TAF9B: variants seen among roughly 807,000 people sequenced by gnomAD.
TAF9B encodes transcription initiation factor TFIID subunit 9B.
A neutral mutation model predicts 17.6 loss-of-function variants in TAF9B; 47 were observed. The observed-to-expected ratio is 2.68, with a 90% CI of 2.12 to 3.41. The LOEUF (loss-of-function observed/expected upper bound fraction) is 3.41, where lower values mean the gene tolerates loss of function less well. TAF9B is among the 30% of genes most tolerant of loss of function. TAF9B has a pLI of 0.00. For missense variants in TAF9B, 218 were observed against 189.3 expected, an observed-to-expected ratio of 1.15 and a Z score of -0.89; for synonymous variants, 84 against 68.7, an observed-to-expected ratio of 1.22 and a Z score of -1.10.
intron 1 of TAF9B, 61 bp downstream of exon 1, chrX:78,139,500 C>A: frequency 8.3e-7 from 1 of 1,202,753 alleles, no homozygotes; most frequent in South Asian, 1.8e-5. Context: ...AGCGTGGCCC[C>A]GCCTCGCAGG....
Position 78,132,578 on chromosome X carries a change from A to G in TAF9B, c.592+760T>C, listed in dbSNP as rs782269587. Among the ~76,000 whole-genome samples the G allele has an allele frequency of 2.8e-5, 3 of 108,791 alleles. No homozygotes were observed. The East Asian group carries it at 8.7e-4, about 32-fold the overall frequency. The allele number at this position is 108,791 out of a possible 115,157, so 94.5% of individuals were successfully genotyped here. A position where few individuals can be genotyped will look rare whatever the true frequency, so the allele number is the denominator to read the frequency against. ...ATGAAATCTAGACATACACATTAGTAAACTGTGCTATGACAGAATTCTTAT... is the reference window on the plus strand; with the variant it reads ...ATGAAATCTAGACATACACATTAGTGAACTGTGCTATGACAGAATTCTTAT... On this transcript the variant is annotated intron_variant, in intron 6 of 6. Coordinates refer to ENST00000341864, the MANE Select transcript of TAF9B (RefSeq NM_015975.5).
In TAF9B at chrX:78,135,113, T is replaced by G. The variant is rs781967977; in HGVS notation, c.482-1665A>C. On this transcript the variant is annotated intron_variant, in intron 5 of 6. Transcript: ENST00000341864. ...GATTACAGGCACCCGCCACCATGCC[T>G]GGCTAATTTTTGTATTTTTAGTAGA... Among the ~76,000 whole-genome samples the G allele has an allele frequency of 1.1e-4, 12 of 104,988 alleles. No homozygotes were observed. The South Asian group carries it at 5.5e-3, about 48-fold the overall frequency. The allele number at this position is 104,988 out of a possible 115,157, so 91.2% of individuals were successfully genotyped here.
At position 78,133,420 on chromosome X, in the gene TAF9B, AT is replaced by A; in HGVS notation, c.509del (p.Asn170IlefsTer9). 8.3e-7 allele frequency: 1 copy of A among 1,210,693 alleles called. No homozygotes were observed. Among genetic ancestry groups the A allele is most frequent in the Middle Eastern group, 2.3e-4 (1 of 4,353 alleles). ...TCACTGACATTGGAGTTGCAACTTT[AT>A]TTGGGACAGACACCGTTTGTGGGGT... ...IATPQTVSVP[N>X]KVATPMSVTS... is the part of the protein sequence containing the mutation. On this transcript the variant is annotated frameshift_variant, in exon 6 of 7. Transcript: ENST00000341864. LOFTEE classifies it high-confidence loss of function.
chrX:78,136,976 C>A lies in TAF9B; in HGVS notation c.420G>T (p.Gly140=), dbSNP rs782470997. Residue 140 remains glycine, a synonymous_variant, in exon 5 of 7, where the codon GGG becomes GGT. Transcript: ENST00000341864. ...KSLIKKGPNQ[G]RLVPRLSVGA... ...CAACACTTAATCGTGGAACTAGTCT[C>A]CCTTGGTTAGGTCCCTAGGGGATTT... is the stretch of plus-strand genomic sequence containing the variant. 7 of 1,201,047 alleles carry A rather than the reference C, an allele frequency of 5.8e-6. No individual in the cohort carries two copies. Among genetic ancestry groups the A allele is most frequent in the Non-Finnish European group, 7.9e-6 (7 of 887,100 alleles).
chrX:78,135,102 G>A (rs1211038673), intron 5 of TAF9B, among the ~76,000 whole-genome samples: 6 of 104,594 alleles, frequency 5.7e-5, no homozygotes, highest in Admixed American at 1.0e-4. Context: ...ACAGGCACCC[G>A]CCACCATGCC....
intron 4 of TAF9B, 116 bp downstream of exon 4, chrX:78,137,633 C>A (rs2078438847): frequency 4.2e-6 from 3 of 707,294 alleles, no homozygotes; most frequent in South Asian, 9.2e-5. Context: ...TAAAAAAATT[C>A]TAGTAAGTTA....
At chrX:78,138,619 G>GT (rs1304691354) in intron 2 of TAF9B, among the ~76,000 whole-genome samples, 4 of 112,233 alleles carry the variant, frequency 3.6e-5, no homozygotes, top group African/African-American at 1.3e-4. Context: ...TTAGCCGGGC[G>GT]TGGTGGCAAG....
chrX:78,132,348 A>G (rs959751817), intron 6 of TAF9B, among the ~76,000 whole-genome samples: 4 of 111,986 alleles, frequency 3.6e-5, no homozygotes, highest in Non-Finnish European at 3.8e-5. Flanking sequence ...ATGTATAGAT[A>G]AAGATTAAAC....
At chrX:78,135,994 G>A (rs1344335678) in intron 5 of TAF9B, among the ~76,000 whole-genome samples, 1 of 111,525 alleles carries the variant, frequency 9.0e-6, no homozygotes, top group Admixed American at 9.5e-5. Flanking sequence ...TATGAAGAGA[G>A]GGTTTACACA....
Position 78,131,603 on chromosome X carries a change from A to G in TAF9B, c.*7T>C. On this transcript the variant is annotated 3_prime_UTR_variant, in exon 7 of 7. Coordinates refer to ENST00000341864, the MANE Select transcript of TAF9B (RefSeq NM_015975.5). ...TTTTGAAATGCATCTAGACTAGACT[A>G]TATTCCTTACATAATATCATTGTCA... is the stretch of plus-strand genomic sequence containing the variant. 4 of 1,208,208 alleles carry G rather than the reference A, an allele frequency of 3.3e-6. No individual in the cohort carries two copies. The highest frequency in any genetic ancestry group is 4.5e-6 in the Non-Finnish European group (4 of 892,784).
In TAF9B at chrX:78,138,865, A is replaced by AT. The variant is rs1557250385; in HGVS notation, c.110dup (p.Asn37LysfsTer17). The AT allele has an allele frequency of 1.7e-6, 2 of 1,206,632 alleles. No homozygotes were observed. The highest frequency in any genetic ancestry group is 2.2e-6 in the Non-Finnish European group (2 of 891,690). ...TACGGAAAGCAAATTCCAACATTTG[A>AT]TTTATAACCCTTGGTTCATACTCTG... On this transcript the variant is annotated frameshift_variant, in exon 2 of 7. Transcript: ENST00000341864. LOFTEE classifies it high-confidence loss of function.
chrX:78,137,696 C>T (rs921702164), intron 4 of TAF9B, 53 bp downstream of exon 4: 1 of 1,101,316 alleles, frequency 9.1e-7, no homozygotes. Context: ...TTCACAAAGT[C>T]CCCTATCATA....
At chrX:78,138,218 T>A in intron 2 of TAF9B, 120 bp from the exon 3 acceptor site, 1 of 818,222 alleles carries the variant, frequency 1.2e-6, no homozygotes, top group Non-Finnish European at 1.7e-6. Flanking sequence ...TGGGTTTTTG[T>A]AGAGACAGGG....
rs374649081 is a variant in TAF9B at position 78,139,640 on chromosome X, A to G, written c.-29T>C. On this transcript the variant is annotated 5_prime_UTR_variant, in exon 1 of 7. Transcript: ENST00000341864. ...ATCCAGCCACTCGTCATCCGCGGAG[A>G]CAGAGGAGAGAGGAGAGCTCGCGGG... 234 of 1,209,396 alleles carry G rather than the reference A, an allele frequency of 1.9e-4. No individual in the cohort carries two copies. The highest frequency in any genetic ancestry group is 2.5e-4 in the Non-Finnish European group (227 of 894,469).
At chrX:78,133,011 TTAA>T (rs1557249684) in intron 6 of TAF9B, among the ~76,000 whole-genome samples, 1 of 112,003 alleles carries the variant, frequency 8.9e-6, no homozygotes, top group African/African-American at 3.3e-5. Flanking sequence ...GTTGTAATTG[TTAA>T]TTAATTATTG....
rs1569550983 is a variant in TAF9B, at chrX:78,131,389, G to A, written c.*221C>T. 6.9e-6 allele frequency: 2 copies of A among 288,932 alleles called. No homozygotes were observed. The highest frequency in any genetic ancestry group is 1.1e-4 in the East Asian group (2 of 18,695). The allele number at this position is 288,932 out of a possible 1,213,427, so 23.8% of individuals were successfully genotyped here. On this transcript the variant is annotated 3_prime_UTR_variant, in exon 7 of 7. Transcript: ENST00000341864. ...TGCCATATTAGGACTCAACATTAAT[G>A]AAACTATTAAGAAACAAGTACTTAA...
chrX:78,135,509 T>G (rs1450564157), intron 5 of TAF9B, among the ~76,000 whole-genome samples: 1 of 108,836 alleles, frequency 9.2e-6, no homozygotes, highest in African/African-American at 3.3e-5. Context: ...GCAGGAGAAT[T>G]GCTTGAACCC....
At chrX:78,137,607 GA>G in intron 4 of TAF9B, 141 bp downstream of exon 4, 1 of 543,446 alleles carries the variant, frequency 1.8e-6, no homozygotes, top group Non-Finnish European at 2.7e-6. Context: ...CATCTAGCTC[GA>G]AAATTTTTTA....
chrX:78,138,148 T>G, intron 2 of TAF9B, 50 bp from the exon 3 acceptor site: 1 of 1,096,730 alleles, frequency 9.1e-7, no homozygotes, highest in Non-Finnish European at 1.2e-6. Flanking sequence ...CAGCTTAATA[T>G]TTATGGCTAC....
Sources: gnomAD v4.1 joint callset for allele counts (sites outside exome capture counted in the v4.1 genomes callset) on GRCh38, gnomAD v4.1.1 for gene constraint, MANE v1.5 for transcripts, NCBI Gene and HGNC (gene_info 2026-07-23, HGNC 2026-07-21) for gene names.